The following ITPK1 variants were observed in gnomAD, a reference collection of about 807,000 sequenced individuals.
ITPK1 encodes inositol-tetrakisphosphate 1-kinase, also known as inositol 1,3,4-trisphosphate 5/6-kinase.
Under a neutral mutation model 45.3 loss-of-function variants are expected in ITPK1, and 21 were observed. The observed-to-expected ratio is 0.46, with a 90% CI of 0.33 to 0.67. The LOEUF (loss-of-function observed/expected upper bound fraction) is 0.67, where lower values mean the gene tolerates loss of function less well. Ranked by LOEUF, ITPK1 falls within the 30% of genes least tolerant of loss-of-function variation. The pLI, the probability that ITPK1 is intolerant of heterozygous loss-of-function variation, is 0.02. For missense variants in ITPK1, 474 were observed against 573.5 expected (o/e 0.83, Z 1.77); for synonymous variants, 258 against 253.6 (o/e 1.02, Z -0.16).
intron 3 of ITPK1, among the ~76,000 whole-genome samples, chr14:93,050,097 C>A (rs1889942172): frequency 6.6e-6 from 1 of 152,186 alleles, no homozygotes; most frequent in African/African-American, 2.4e-5. Context: ...CAGGGGGCAG[C>A]AGGCCGTAGG....
intron 8 of ITPK1, 99 bp from the exon 9 acceptor site, chr14:92,952,112 A>C: frequency 1.1e-6 from 1 of 948,942 alleles, no homozygotes; most frequent in Non-Finnish European, 1.7e-6. Flanking sequence ...CAGGCACACA[A>C]CACGTGGCCC....
chr14:92,952,082 A>G, intron 8 of ITPK1, 69 bp from the exon 9 acceptor site: 1 of 1,226,214 alleles, frequency 8.2e-7, no homozygotes, highest in Non-Finnish European at 1.2e-6. Flanking sequence ...GCCACCTGAC[A>G]CCAGGGGGCA....
At chr14:93,097,642 G>C (rs1417642202) in intron 2 of ITPK1, among the ~76,000 whole-genome samples, 2 of 152,228 alleles carry the variant, frequency 1.3e-5, no homozygotes, top group Non-Finnish European at 2.9e-5. Flanking sequence ...ACACGTAACG[G>C]AATCAGAAAG....
intron 3 of ITPK1, among the ~76,000 whole-genome samples, chr14:93,058,646 A>G (rs537532783): frequency 7.4e-4 from 1 of 1,354 alleles, no homozygotes; most frequent in Non-Finnish European, 1.1e-3. Context: ...GAGGGGGTGC[A>G]GGTCGTGAGG....
chr14:92,938,836 A>C lies in ITPK1; in HGVS notation c.*2725T>G. 1 of 491,478 alleles carries C rather than the reference A, an allele frequency of 2.0e-6. No homozygotes were observed. Among genetic ancestry groups the C allele is most frequent in the Admixed American group, 3.5e-5 (1 of 28,302 alleles). 30.4% of individuals were successfully genotyped at this position (491,478 alleles called of 1,614,324 possible). On this transcript the variant is annotated 3_prime_UTR_variant, in exon 11 of 11. Coordinates refer to ENST00000267615, the MANE Select transcript of ITPK1 (RefSeq NM_014216.6). ...GCAGAATCACATCACCATATAATCA[A>C]AGCACTGTCAGGCAGAACTTGACCC...
chr14:93,044,698 C>T (rs1462323451), intron 3 of ITPK1, among the ~76,000 whole-genome samples: 2 of 152,082 alleles, frequency 1.3e-5, no homozygotes, highest in African/African-American at 4.8e-5. Context: ...GGGACAGTGG[C>T]CCAGCGGACA....
rs1041930205 is a variant in ITPK1, at chr14:93,036,505, G to A, written c.121-19704C>T. Among the ~76,000 whole-genome samples the A allele has an allele frequency of 2.0e-5, 3 of 151,878 alleles. No homozygotes were observed. Among genetic ancestry groups the A allele is most frequent in the Admixed American group, 6.6e-5 (1 of 15,240 alleles). On this transcript the variant is annotated intron_variant, in intron 3 of 10. Transcript: ENST00000267615. The surrounding 1 kb of genome is among the most constrained non-coding windows in gnomAD (Gnocchi z 4.1). Reference sequence around the variant, plus strand: ...TCCTCCGAGAGGCTGGTGGGAGCACGTGCCCCATTTGACCCCCACGGCTCT... The same window carrying A: ...TCCTCCGAGAGGCTGGTGGGAGCACATGCCCCATTTGACCCCCACGGCTCT...
rs552466582 is a variant in ITPK1 at position 92,988,647 on chromosome 14, AG to A, written c.364+5232del. 5.3e-3 allele frequency among the ~76,000 whole-genome samples: 807 copies of A among 152,258 alleles called. 4 individuals are homozygous for A. Among genetic ancestry groups the A allele is most frequent in the Non-Finnish European group, 7.7e-3 (522 of 67,988 alleles). ...GCCACAGGGGAACTGGGGGTGTGGA[AG>A]GGGTACACACAGGGGTGAGGGACAG... On this transcript the variant is annotated intron_variant, in intron 5 of 10. Transcript: ENST00000267615.
chr14:92,976,643 C>T (rs919134395), intron 5 of ITPK1, among the ~76,000 whole-genome samples: 1 of 152,258 alleles, frequency 6.6e-6, no homozygotes, highest in African/African-American at 2.4e-5. Flanking sequence ...ACAAGCAATG[C>T]AGTGTGCTCT....
intron 3 of ITPK1, among the ~76,000 whole-genome samples, chr14:93,021,403 C>T (rs1382767370): frequency 6.6e-6 from 1 of 151,982 alleles, no homozygotes; most frequent in Non-Finnish European, 1.5e-5. Context: ...ACCAGCCTGG[C>T]CAACATGGTG....
chr14:93,086,095 T>C (rs1891640702), intron 2 of ITPK1, among the ~76,000 whole-genome samples: 1 of 152,172 alleles, frequency 6.6e-6, no homozygotes, highest in Admixed American at 6.5e-5. Context: ...ATCAGCCTAA[T>C]GAGCAAGGTA....
At chr14:93,010,770 C>T (rs1887851689) in intron 4 of ITPK1, among the ~76,000 whole-genome samples, 1 of 152,206 alleles carries the variant, frequency 6.6e-6, no homozygotes, top group African/African-American at 2.4e-5. Flanking sequence ...TCACTAGGCG[C>T]CGGGCCTGTA....
At chr14:93,018,749 C>A (rs1888319002) in intron 3 of ITPK1, among the ~76,000 whole-genome samples, 1 of 152,168 alleles carries the variant, frequency 6.6e-6, no homozygotes, top group Non-Finnish European at 1.5e-5. Context: ...ATCCTCACGG[C>A]AAGCCCAGGG....
chr14:93,046,048 G>C (rs1272623282), intron 3 of ITPK1, among the ~76,000 whole-genome samples: 2 of 152,296 alleles, frequency 1.3e-5, no homozygotes, highest in East Asian at 3.9e-4. Context: ...GGCACACACA[G>C]AGTCCTTTTT....
At chr14:92,967,205 A>C (rs553894740) in intron 5 of ITPK1, among the ~76,000 whole-genome samples, 106 of 152,356 alleles carry the variant, frequency 7.0e-4, no homozygotes, top group African/African-American at 2.4e-3. Flanking sequence ...TAGTATCCGA[A>C]ATATATAAAA....
chr14:93,090,753 G>A lies in ITPK1; in HGVS notation c.96-14134C>T, dbSNP rs189750720. On this transcript the variant is annotated intron_variant, in intron 2 of 10. Transcript: ENST00000267615. ...TTCCTGTGCCAGTTTGGTTACCTGG[G>A]CCAAGAAATGTATTTTTTTTTTCTT... Among the ~76,000 whole-genome samples, 450 of 152,278 alleles carry A rather than the reference G, an allele frequency of 3.0e-3. 1 individual carries two copies. Among genetic ancestry groups the A allele is most frequent in the Non-Finnish European group, 5.2e-3 (354 of 68,014 alleles).
At chr14:93,094,902 C>G (rs918841500) in intron 2 of ITPK1, among the ~76,000 whole-genome samples, 1 of 152,250 alleles carries the variant, frequency 6.6e-6, no homozygotes, top group South Asian at 2.1e-4. Context: ...CACAGCGTCA[C>G]GCCTTGGCAC....
In ITPK1 at chr14:92,940,924, C is replaced by T. The variant is rs940954903; in HGVS notation, c.*637G>A. 5.4e-6 allele frequency: 7 copies of T among 1,287,608 alleles called. No homozygotes were observed. In the African/African-American group the frequency reaches 1.1e-4, roughly 20 times the overall value. The allele number at this position is 1,287,608 out of a possible 1,614,324, so 79.8% of individuals were successfully genotyped here. On this transcript the variant is annotated 3_prime_UTR_variant, in exon 11 of 11. Coordinates refer to ENST00000267615, the MANE Select transcript of ITPK1 (RefSeq NM_014216.6). Reference sequence around the variant, plus strand: ...GCCCAGAGGACGCCCAGCTTCCTTTCCTTCCCTTTAGTGAGGGAGCACAGC... The same window carrying T: ...GCCCAGAGGACGCCCAGCTTCCTTTTCTTCCCTTTAGTGAGGGAGCACAGC...
chr14:92,983,153 A>C (rs1458365203), intron 5 of ITPK1, among the ~76,000 whole-genome samples: 1 of 152,220 alleles, frequency 6.6e-6, no homozygotes, highest in African/African-American at 2.4e-5. Context: ...TGGCTCAGAC[A>C]GAGACAGGCA....
Sources: allele counts gnomAD v4.1 joint callset (sites outside exome capture counted in the v4.1 genomes callset), GRCh38; gene constraint gnomAD v4.1.1; non-coding constraint Gnocchi (gnomAD v3.1); transcripts MANE v1.5; gene names NCBI Gene and HGNC (gene_info 2026-07-23, HGNC 2026-07-21).